Variants in BRINP3 observed in about 807,000 individuals in gnomAD.
BRINP3 encodes BMP/retinoic acid-inducible neural-specific protein 3.
In BRINP3, 19 loss-of-function variants were observed where a neutral mutation model predicts 71.0. That is an observed-to-expected ratio of 0.27 (90% CI 0.19 to 0.39). The LOEUF is 0.39. Ranked by LOEUF, BRINP3 falls within the 10% of genes least tolerant of loss-of-function variation. The pLI, the probability that BRINP3 is intolerant of heterozygous loss-of-function variation, is 1.00. For synonymous variants in BRINP3, 380 were observed against 337.7 expected, an observed-to-expected ratio of 1.13 and a Z score of -1.37; for missense variants, 959 against 940.8, an observed-to-expected ratio of 1.02 and a Z score of -0.25.
At chr1:190,312,625 AG>A (rs1665614458) in intron 2 of BRINP3, among the ~76,000 whole-genome samples, 1 of 151,748 alleles carries the variant, frequency 6.6e-6, no homozygotes, top group South Asian at 2.1e-4. Flanking sequence ...TTTTTCCCAA[AG>A]TTACTGAAAG....
At chr1:190,160,987 CAT>C (rs1448744728) in intron 6 of BRINP3, 97 bp from the exon 7 acceptor site, 3 of 756,846 alleles carry the variant, frequency 4.0e-6, no homozygotes, top group Non-Finnish European at 6.3e-6. Flanking sequence ...TACATATACA[CAT>C]ATATGTCAAA....
At chr1:190,330,373 T>G (rs78113865) in intron 2 of BRINP3, among the ~76,000 whole-genome samples, 1 of 151,872 alleles carries the variant, frequency 6.6e-6, no homozygotes, top group Non-Finnish European at 1.5e-5. Context: ...AACAAATATA[T>G]GAAAAAATGT....
intron 2 of BRINP3, among the ~76,000 whole-genome samples, chr1:190,345,155 T>C (rs1667929747): frequency 6.6e-6 from 1 of 151,870 alleles, no homozygotes; most frequent in Non-Finnish European, 1.5e-5. Context: ...GTTGTAAACA[T>C]TGAGACTCAT....
chr1:190,174,987 C>T (rs942909338), intron 6 of BRINP3, among the ~76,000 whole-genome samples: 4 of 152,086 alleles, frequency 2.6e-5, no homozygotes, highest in Middle Eastern at 3.2e-3. Context: ...ATCACCATTA[C>T]TATCCTTTGT....
chr1:190,279,253 A>G (rs966326163), intron 3 of BRINP3, among the ~76,000 whole-genome samples: 1 of 151,792 alleles, frequency 6.6e-6, no homozygotes, highest in Non-Finnish European at 1.5e-5. Flanking sequence ...CACAGAATCA[A>G]TCTTCACAAT....
At chr1:190,412,612 G>A (rs1347068506) in intron 2 of BRINP3, among the ~76,000 whole-genome samples, 2 of 149,628 alleles carry the variant, frequency 1.3e-5, no homozygotes, top group African/African-American at 2.4e-5. Flanking sequence ...ACAGGTGCCC[G>A]CCACTACGCC....
chr1:190,274,310 C>T (rs1217939248), intron 3 of BRINP3, among the ~76,000 whole-genome samples: 4 of 151,228 alleles, frequency 2.6e-5, no homozygotes, highest in South Asian at 2.1e-4. Flanking sequence ...TTTTATTTCG[C>T]GATTGCCACT....
chr1:190,275,638 T>C (rs1187079392), intron 3 of BRINP3, among the ~76,000 whole-genome samples: 1 of 151,594 alleles, frequency 6.6e-6, no homozygotes, highest in Non-Finnish European at 1.5e-5. Flanking sequence ...CAGTATATAT[T>C]TGTCAAAAAA....
intron 4 of BRINP3, among the ~76,000 whole-genome samples, chr1:190,253,107 T>C (rs887304102): frequency 6.6e-6 from 1 of 152,172 alleles, no homozygotes; most frequent in African/African-American, 2.4e-5. Context: ...GGACATGAAC[T>C]CATCATTTTT....
At chr1:190,412,458 T>TTTGTTTTG in intron 2 of BRINP3, among the ~76,000 whole-genome samples, 1 of 132,364 alleles carries the variant, frequency 7.6e-6, no homozygotes, top group Non-Finnish European at 1.6e-5. Context: ...TTTGTTTTGT[T>TTTGTTTTG]TTTTTTTGTT....
At chr1:190,434,826 T>A (rs1440166410) in intron 2 of BRINP3, among the ~76,000 whole-genome samples, 3 of 152,120 alleles carry the variant, frequency 2.0e-5, no homozygotes, top group African/African-American at 7.2e-5. Context: ...ATGAACGTGT[T>A]AAATATTTGC....
At chr1:190,121,551 C>T (rs1403640773) in intron 7 of BRINP3, among the ~76,000 whole-genome samples, 4 of 152,048 alleles carry the variant, frequency 2.6e-5, no homozygotes, top group Admixed American at 2.6e-4. Context: ...CAAATAAACA[C>T]TAAAAATATT....
At chr1:190,130,151 C>A (rs756181310) in intron 7 of BRINP3, among the ~76,000 whole-genome samples, 7 of 151,958 alleles carry the variant, frequency 4.6e-5, no homozygotes, top group Non-Finnish European at 8.8e-5. Flanking sequence ...GTTTTAAGAG[C>A]AAATAAGAGA....
intron 2 of BRINP3, among the ~76,000 whole-genome samples, chr1:190,347,151 CT>C (rs1668073462): frequency 6.6e-6 from 1 of 151,928 alleles, no homozygotes; most frequent in Admixed American, 6.6e-5. Context: ...TTATTATTAT[CT>C]TTTTCTTTAG....
At chr1:190,244,951 CT>C (rs1222621775) in intron 4 of BRINP3, among the ~76,000 whole-genome samples, 2 of 151,910 alleles carry the variant, frequency 1.3e-5, no homozygotes, top group Non-Finnish European at 2.9e-5. Context: ...AAACTTAAAA[CT>C]TTTTATTATA....
chr1:190,292,086 T>C (rs1176747611), intron 2 of BRINP3, among the ~76,000 whole-genome samples: 2 of 151,976 alleles, frequency 1.3e-5, no homozygotes, highest in Non-Finnish European at 2.9e-5. Flanking sequence ...ATATGTGAAA[T>C]CTGAAAAAGT....
At chr1:190,466,376 A>G (rs1214894352) in intron 1 of BRINP3, among the ~76,000 whole-genome samples, 1 of 151,756 alleles carries the variant, frequency 6.6e-6, no homozygotes, top group Non-Finnish European at 1.5e-5. Context: ...TGAGCTGTTT[A>G]CTTAGAAGTT....
At chr1:190,179,296 T>C (rs1180072149) in intron 6 of BRINP3, among the ~76,000 whole-genome samples, 1 of 152,132 alleles carries the variant, frequency 6.6e-6, no homozygotes, top group Admixed American at 6.6e-5. Flanking sequence ...GAAAAAGATA[T>C]TGGTCACAGA....
At chr1:190,199,768 T>C (rs1457775101) in intron 6 of BRINP3, among the ~76,000 whole-genome samples, 7 of 80,906 alleles carry the variant, frequency 8.7e-5, no homozygotes, top group Non-Finnish European at 1.5e-4. Flanking sequence ...TGTCAAGGCA[T>C]AGGAAAAAAA....
Sources: allele counts gnomAD v4.1 joint callset (sites outside exome capture counted in the v4.1 genomes callset), GRCh38; gene constraint gnomAD v4.1.1; transcripts MANE v1.5; gene names NCBI Gene and HGNC (gene_info 2026-07-23, HGNC 2026-07-21).